Variants in SEMA3A observed in about 807,000 individuals in gnomAD.
SEMA3A encodes the protein semaphorin-3A.
A neutral mutation model predicts 97.9 loss-of-function variants in SEMA3A; 29 were observed. The ratio of observed to expected loss-of-function variants is 0.30; its 90% confidence interval spans 0.22 to 0.40. The LOEUF (loss-of-function observed/expected upper bound fraction) is 0.40, where lower values mean the gene tolerates loss of function less well. SEMA3A is among the 10% of genes least tolerant of loss of function. The pLI, the probability that SEMA3A is intolerant of heterozygous loss-of-function variation, is 1.00. For synonymous variants in SEMA3A, 321 were observed against 323.7 expected, an observed-to-expected ratio of 0.99 and a Z score of 0.09; for missense variants, 763 against 951.3, an observed-to-expected ratio of 0.80 and a Z score of 2.60.
intron 3 of SEMA3A, among the ~76,000 whole-genome samples, chr7:84,219,434 C>G (rs756038577): frequency 6.6e-6 from 1 of 152,130 alleles, no homozygotes; most frequent in African/African-American, 2.4e-5. Context: ...AGCTATAGAA[C>G]TTTCTGAGGA....
chr7:84,286,287 C>A (rs1305869884), intron 3 of SEMA3A, among the ~76,000 whole-genome samples: 8 of 152,052 alleles, frequency 5.3e-5, no homozygotes, highest in African/African-American at 1.2e-4. Context: ...ATATTGAGTT[C>A]ACATTGAATT....
intron 1 of SEMA3A, among the ~76,000 whole-genome samples, chr7:84,395,635 C>T (rs79654099): frequency 6.6e-6 from 1 of 151,972 alleles, no homozygotes; most frequent in South Asian, 2.1e-4. Flanking sequence ...CCCCCATGCT[C>T]TTCTCAAGAT....
intron 1 of SEMA3A, among the ~76,000 whole-genome samples, chr7:84,419,037 G>T (rs1018828790): frequency 6.6e-6 from 1 of 151,522 alleles, no homozygotes; most frequent in African/African-American, 2.4e-5. Flanking sequence ...AATACAATTG[G>T]TTTCTCTTTC....
Position 84,401,342 on chromosome 7 carries a change from G to A in SEMA3A, c.-245-29442C>T, listed in dbSNP as rs763208796. ...ACAGTGAAAATGATAAAATGCTAAC[G>A]AAAGAAATTGAAGATGACACAAACA... is the stretch of plus-strand genomic sequence containing the variant. On this transcript the variant is annotated intron_variant, in intron 1 of 3. Transcript: ENST00000424555. Among the ~76,000 whole-genome samples the A allele has an allele frequency of 3.3e-5, 5 of 151,990 alleles. No individual in the cohort carries two copies. In the East Asian group the frequency reaches 5.8e-4, roughly 18 times the overall value.
intron 1 of SEMA3A, among the ~76,000 whole-genome samples, chr7:84,459,257 TCTTA>T (rs1192273361): frequency 6.6e-6 from 1 of 152,134 alleles, no homozygotes; most frequent in Non-Finnish European, 1.5e-5. Flanking sequence ...CTAAACACTT[TCTTA>T]AAGTTTGAAA....
rs1408270162 is a variant in SEMA3A, at chr7:84,173,516, G to A, written c.112+20959C>T. Among the ~76,000 whole-genome samples the A allele has an allele frequency of 2.3e-5, 3 of 133,072 alleles. No individual in the cohort carries two copies. In the East Asian group the frequency reaches 6.8e-4, roughly 30 times the overall value. 87.3% of individuals were successfully genotyped at this position (133,072 alleles called of 152,430 possible). A position where few individuals can be genotyped will look rare whatever the true frequency, so the allele number is the denominator to read the frequency against. ...GGAGGTTGCGGTGAGCCGAGATCACGCCACTGCACTCCAGCCTGGGCAGTA... is the reference window on the plus strand; with the variant it reads ...GGAGGTTGCGGTGAGCCGAGATCACACCACTGCACTCCAGCCTGGGCAGTA... On this transcript the variant is annotated intron_variant, in intron 1 of 16. Transcript: ENST00000265362.
chr7:84,040,027 G>A (rs4732535), intron 6 of SEMA3A, among the ~76,000 whole-genome samples: 29,033 of 151,794 alleles, frequency 0.19, 3,015 homozygotes, highest in East Asian at 0.41. Flanking sequence ...TATCAACATG[G>A]AAAGGCAGGT....
intron 12 of SEMA3A, among the ~76,000 whole-genome samples, chr7:83,991,162 T>C (rs1478078967): frequency 6.6e-6 from 1 of 151,316 alleles, no homozygotes; most frequent in African/African-American, 2.4e-5. Context: ...TTTTTGTACA[T>C]TGATTTTGTA....
At chr7:84,339,799 C>T (rs1003113685) in intron 2 of SEMA3A, among the ~76,000 whole-genome samples, 3 of 151,934 alleles carry the variant, frequency 2.0e-5, no homozygotes, top group Non-Finnish European at 4.4e-5. Context: ...TTTCTCAATT[C>T]CAAAAACAGT....
chr7:84,451,576 C>T (rs1270818829), intron 1 of SEMA3A, among the ~76,000 whole-genome samples: 9 of 152,152 alleles, frequency 5.9e-5, no homozygotes, highest in Admixed American at 5.9e-4. Context: ...CTCATAGAAG[C>T]ATGAATATTC....
At chr7:84,207,679 G>C (rs538306035) in intron 3 of SEMA3A, among the ~76,000 whole-genome samples, 2 of 152,144 alleles carry the variant, frequency 1.3e-5, no homozygotes, top group Non-Finnish European at 2.9e-5. Flanking sequence ...CAAGTTCTCT[G>C]ACCTATAAGC....
intron 2 of SEMA3A, among the ~76,000 whole-genome samples, chr7:84,357,736 C>G (rs77916036): frequency 0.28 from 42,146 of 149,690 alleles, 6,442 homozygotes; most frequent in African/African-American, 0.37. Context: ...GGTTGAACTA[C>G]TTTACAGTCC....
At chr7:84,272,757 A>T (rs974425920) in intron 3 of SEMA3A, among the ~76,000 whole-genome samples, 3 of 152,106 alleles carry the variant, frequency 2.0e-5, no homozygotes, top group Non-Finnish European at 4.4e-5. Flanking sequence ...GAGCATCTGG[A>T]AAACTGTACT....
intron 1 of SEMA3A, among the ~76,000 whole-genome samples, chr7:84,171,510 A>G (rs1198421428): frequency 6.6e-6 from 1 of 152,158 alleles, no homozygotes; most frequent in African/African-American, 2.4e-5. Flanking sequence ...CTTCAAATAA[A>G]CAAAAATCAC....
chr7:83,981,343 G>T lies in SEMA3A; in HGVS notation c.1630C>A (p.Arg544Ser). ...TACCTCTTTGCAGTGGGAAAATAGCGAGAACATGCAGAACCATCCCAAGCA... is the reference window on the plus strand; with the variant it reads ...TACCTCTTTGCAGTGGGAAAATAGCTAGAACATGCAGAACCATCCCAAGCA... Reference protein sequence around the residue: ...YCAWDGSACSRYFPTAKRRTR... With the variant: ...YCAWDGSACSSYFPTAKRRTR... The change falls in exon 14 of 17, where the codon CGC (arginine) becomes AGC (serine). Residue 544 changes from arginine to serine, a missense_variant. Transcript: ENST00000265362. 1 of 1,613,896 alleles carries T rather than the reference G, an allele frequency of 6.2e-7. No individual in the cohort carries two copies. The highest frequency in any genetic ancestry group is 8.5e-7 in the Non-Finnish European group (1 of 1,179,922).
chr7:84,032,766 T>C (rs1011249678), intron 6 of SEMA3A, among the ~76,000 whole-genome samples: 1 of 151,788 alleles, frequency 6.6e-6, no homozygotes, highest in Admixed American at 6.6e-5. Context: ...TAATTATTTA[T>C]TTATTTAGTA....
At chr7:84,403,801 C>T (rs899821456) in intron 1 of SEMA3A, among the ~76,000 whole-genome samples, 2 of 152,146 alleles carry the variant, frequency 1.3e-5, no homozygotes, top group Non-Finnish European at 2.9e-5. Flanking sequence ...AGTGGACCTC[C>T]AGTAAACTCC....
intron 4 of SEMA3A, among the ~76,000 whole-genome samples, chr7:84,069,775 C>A (rs1793672624): frequency 6.6e-6 from 1 of 152,156 alleles, no homozygotes; most frequent in African/African-American, 2.4e-5. Context: ...ACAGCGTCCT[C>A]TTTAATATAT....
intron 2 of SEMA3A, among the ~76,000 whole-genome samples, chr7:84,322,167 C>G (rs1451593463): frequency 2.6e-5 from 4 of 151,672 alleles, no homozygotes; most frequent in Non-Finnish European, 2.9e-5. Flanking sequence ...TCCATTACCT[C>G]CCACCAGGTT....
Sources: allele counts gnomAD v4.1 joint callset (sites outside exome capture counted in the v4.1 genomes callset), GRCh38; gene constraint gnomAD v4.1.1; transcripts MANE v1.5; gene names NCBI Gene and HGNC (gene_info 2026-07-23, HGNC 2026-07-21).